Variants in TLL1 observed in about 807,000 individuals in gnomAD.
TLL1 encodes tolloid-like protein 1.
A neutral mutation model predicts 128.2 loss-of-function variants in TLL1; 49 were observed. The ratio of observed to expected loss-of-function variants is 0.38; its 90% CI spans 0.30 to 0.48. The LOEUF is 0.48. TLL1 is among the 20% of genes least tolerant of loss of function. The pLI is 0.96. For missense variants in TLL1, 1,123 were observed against 1,242.0 expected (o/e 0.90, Z 1.44); for synonymous variants, 454 against 418.8 (o/e 1.08, Z -1.03).
At chr4:166,082,383 A>G (rs963553137) in intron 18 of TLL1, among the ~76,000 whole-genome samples, 1 of 152,128 alleles carries the variant, frequency 6.6e-6, no homozygotes, top group African/African-American at 2.4e-5. Context: ...TATATTTTTT[A>G]ACTCTTGCCA....
rs1733266711 is a variant in TLL1, at chr4:165,926,347, T to C, written c.169+52274T>C. ...AGATTTCTGGTTAAAAACTTCACAC[T>C]TGAAGTCATGATACTTAAATGCATT... On this transcript the variant is annotated intron_variant, in intron 1 of 20. Coordinates refer to ENST00000061240, the MANE Select transcript of TLL1 (RefSeq NM_012464.5). Among the ~76,000 whole-genome samples the C allele has an allele frequency of 1.3e-5, 2 of 152,158 alleles. 1 individual carries two copies. Among genetic ancestry groups the C allele is most frequent in the South Asian group, 4.1e-4 (2 of 4,824 alleles).
intron 18 of TLL1, among the ~76,000 whole-genome samples, chr4:166,080,308 A>G (rs1352277004): frequency 6.6e-6 from 1 of 152,112 alleles, no homozygotes; most frequent in East Asian, 1.9e-4. Flanking sequence ...TGGTTTATTT[A>G]ACCTTAATTA....
intron 19 of TLL1, among the ~76,000 whole-genome samples, chr4:166,098,612 C>G (rs72976367): frequency 6.6e-6 from 1 of 151,680 alleles, no homozygotes; most frequent in African/African-American, 2.4e-5. Context: ...TGTAGAACTG[C>G]GAAGATAATT....
At chr4:165,912,221 T>C (rs1429946595) in intron 1 of TLL1, among the ~76,000 whole-genome samples, 1 of 152,152 alleles carries the variant, frequency 6.6e-6, no homozygotes, top group East Asian at 1.9e-4. Flanking sequence ...TGTTGCCTTG[T>C]TCAACAATCT....
chr4:166,070,629 C>T (rs776884807), intron 16 of TLL1, among the ~76,000 whole-genome samples: 1 of 151,866 alleles, frequency 6.6e-6, no homozygotes, highest in Admixed American at 6.6e-5. Context: ...GACTAAAACT[C>T]GTTTTCCGAC....
At chr4:166,036,601 A>G (rs1480062196) in intron 9 of TLL1, among the ~76,000 whole-genome samples, 1 of 152,122 alleles carries the variant, frequency 6.6e-6, no homozygotes, top group Non-Finnish European at 1.5e-5. Context: ...CCAGAATTTT[A>G]TGTCTATAAT....
At chr4:165,998,217 G>T (rs146512566) in intron 5 of TLL1, among the ~76,000 whole-genome samples, 1 of 152,082 alleles carries the variant, frequency 6.6e-6, no homozygotes, top group African/African-American at 2.4e-5. Flanking sequence ...TTTTATGATA[G>T]AGATTGATTT....
At chr4:166,071,144 C>G (rs1740792612) in intron 16 of TLL1, among the ~76,000 whole-genome samples, 1 of 151,866 alleles carries the variant, frequency 6.6e-6, no homozygotes, top group South Asian at 2.1e-4. Context: ...TTGTATGTTT[C>G]TGTTCTGTTG....
In TLL1 at chr4:166,101,989, T is replaced by G. The variant is rs1742311328; in HGVS notation, c.*1113T>G. On this transcript the variant is annotated 3_prime_UTR_variant, in exon 21 of 21. Coordinates refer to ENST00000061240, the MANE Select transcript of TLL1 (RefSeq NM_012464.5). ...TCTTATGGTGCTATTCCATAAACTT[T>G]TTTTCAAACAAGTTTTTGACCTTTG... 1 of 152,458 alleles carries G rather than the reference T, an allele frequency of 6.6e-6. No homozygotes were observed. Among genetic ancestry groups the G allele is most frequent in the Non-Finnish European group, 1.5e-5 (1 of 67,948 alleles). 9.4% of individuals were successfully genotyped at this position (152,458 alleles called of 1,614,324 possible).
chr4:166,055,274 A>G lies in TLL1; in HGVS notation c.1720+3A>G. The G allele has an allele frequency of 6.2e-7, 1 of 1,612,398 alleles. No individual in the cohort carries two copies. Among genetic ancestry groups the G allele is most frequent in the South Asian group, 1.1e-5 (1 of 91,044 alleles). ...GTTTGCTGCTAACTTTTTTAAAGGTAATTTGAAATAATTTTCAAACGTGAG... is the reference window on the plus strand; with the variant it reads ...GTTTGCTGCTAACTTTTTTAAAGGTGATTTGAAATAATTTTCAAACGTGAG... On this transcript the variant is annotated splice_donor_region_variant and intron_variant, in intron 13 of 20. Coordinates refer to ENST00000061240, the MANE Select transcript of TLL1 (RefSeq NM_012464.5).
chr4:166,095,021 G>A (rs563048476), intron 19 of TLL1, among the ~76,000 whole-genome samples: 23 of 152,158 alleles, frequency 1.5e-4, no homozygotes, highest in African/African-American at 2.4e-4. Context: ...GTCCAGTACC[G>A]TATCTGTCAG....
chr4:166,032,782 T>C (rs1015511393), intron 9 of TLL1, among the ~76,000 whole-genome samples: 1 of 152,064 alleles, frequency 6.6e-6, no homozygotes, highest in Non-Finnish European at 1.5e-5. Context: ...CGTAAAGTTG[T>C]TTTTATAAAA....
In TLL1 at chr4:166,055,077, T is replaced by C; in HGVS notation, c.1526T>C (p.Ile509Thr). ...TTCACATATTTTTTTCTGTTGCAGA[T>C]TGAAAGACATGACAATTGTGCTTAT... is the stretch of plus-strand genomic sequence containing the variant. ...HVGLTFQSFEIERHDNCAYDY... is the reference protein window; with the variant it reads ...HVGLTFQSFETERHDNCAYDY... Residue 509 changes from isoleucine (I) to threonine (T), a missense_variant and splice_region_variant, in exon 13 of 21, where the codon ATT becomes ACT. Ile to Thr is a moderately conservative substitution (Grantham distance 89, BLOSUM62 -1). Transcript: ENST00000061240. 6.2e-7 allele frequency: 1 copy of C among 1,609,744 alleles called. No homozygotes were observed. Among genetic ancestry groups the C allele is most frequent in the East Asian group, 2.2e-5 (1 of 44,750 alleles).
chr4:166,009,886 T>C (rs1164500847), intron 7 of TLL1, among the ~76,000 whole-genome samples: 1 of 151,404 alleles, frequency 6.6e-6, no homozygotes, highest in East Asian at 1.9e-4. Context: ...TCAGTAGTGT[T>C]ATTTAAGTAT....
intron 1 of TLL1, among the ~76,000 whole-genome samples, chr4:165,962,021 A>G (rs1561057488): frequency 6.6e-6 from 1 of 152,106 alleles, no homozygotes. Context: ...CATTGGCAAA[A>G]AATTTATGGC....
chr4:165,876,872 T>C (rs1381380552), intron 1 of TLL1, among the ~76,000 whole-genome samples: 2 of 152,218 alleles, frequency 1.3e-5, no homozygotes, highest in African/African-American at 4.8e-5. Context: ...GCATATCTGA[T>C]ATAGGTGAAG....
At chr4:166,040,196 C>T (rs1190690799) in intron 10 of TLL1, among the ~76,000 whole-genome samples, 1 of 152,148 alleles carries the variant, frequency 6.6e-6, no homozygotes, top group African/African-American at 2.4e-5. Flanking sequence ...TGCTCAGTTG[C>T]ATTGATGAAC....
chr4:166,072,557 T>C (rs2111134037), intron 16 of TLL1, among the ~76,000 whole-genome samples: 1 of 152,090 alleles, frequency 6.6e-6, no homozygotes, highest in South Asian at 2.1e-4. Flanking sequence ...TTTATCTCTC[T>C]TTAGTTACTA....
At chr4:165,963,514 A>T (rs187164240) in intron 1 of TLL1, among the ~76,000 whole-genome samples, 4 of 152,046 alleles carry the variant, frequency 2.6e-5, no homozygotes, top group Non-Finnish European at 5.9e-5. Context: ...AGTGGGGGAG[A>T]TTATATTCTC....
Sources: gnomAD v4.1 joint callset for allele counts (sites outside exome capture counted in the v4.1 genomes callset) on GRCh38, gnomAD v4.1.1 for gene constraint, MANE v1.5 for transcripts, NCBI Gene and HGNC (gene_info 2026-07-23, HGNC 2026-07-21) for gene names.